SLC8A3: variants seen among roughly 807,000 people sequenced by gnomAD.
The protein encoded by SLC8A3 is sodium/calcium exchanger 3.
In SLC8A3, 37 loss-of-function variants were observed where a neutral mutation model predicts 65.4. The observed-to-expected ratio is 0.57, with a 90% confidence interval of 0.44 to 0.74. SLC8A3 has a LOEUF of 0.74. SLC8A3 is among the 30% of genes least tolerant of loss of function. The pLI is 0.00. For synonymous variants in SLC8A3, 461 were observed against 444.5 expected, an observed-to-expected ratio of 1.04 and a Z score of -0.47; for missense variants, 1,112 against 1,172.1, an observed-to-expected ratio of 0.95 and a Z score of 0.75.
intron 2 of SLC8A3, among the ~76,000 whole-genome samples, chr14:70,084,262 C>G (rs751211316): frequency 6.6e-6 from 1 of 152,206 alleles, no homozygotes; most frequent in African/African-American, 2.4e-5. Flanking sequence ...ATCTCACATG[C>G]TTAGGCATCT....
chr14:70,143,966 T>C (rs569698947), intron 2 of SLC8A3, among the ~76,000 whole-genome samples: 1 of 152,312 alleles, frequency 6.6e-6, no homozygotes, highest in East Asian at 1.9e-4. Context: ...TCATTCCCTC[T>C]CGTGGGTTCC....
chr14:70,070,698 C>T (rs551041907), intron 2 of SLC8A3, among the ~76,000 whole-genome samples: 1 of 152,182 alleles, frequency 6.6e-6, no homozygotes, highest in Admixed American at 6.5e-5. Context: ...AGTGATCACC[C>T]CATTCCTGGT....
chr14:70,136,021 T>A (rs114637816), intron 2 of SLC8A3, among the ~76,000 whole-genome samples: 244 of 152,248 alleles, frequency 1.6e-3, no homozygotes, highest in African/African-American at 5.6e-3. Flanking sequence ...AAACTATGCA[T>A]AACTATTATG....
At chr14:70,064,616 C>T (rs1317064699) in intron 2 of SLC8A3, among the ~76,000 whole-genome samples, 1 of 152,016 alleles carries the variant, frequency 6.6e-6, no homozygotes, top group Non-Finnish European at 1.5e-5. Context: ...TCACAGAGGG[C>T]CTGAAAAGCT....
At chr14:70,090,071 G>A (rs72729873) in intron 2 of SLC8A3, among the ~76,000 whole-genome samples, 16,448 of 151,872 alleles carry the variant, frequency 0.11, 977 homozygotes, top group South Asian at 0.2. Flanking sequence ...GCTAACTGCA[G>A]CCATTAATTA....
intron 2 of SLC8A3, among the ~76,000 whole-genome samples, chr14:70,142,076 G>A (rs181326489): frequency 1.3e-5 from 2 of 152,332 alleles, no homozygotes; most frequent in African/African-American, 4.8e-5. Flanking sequence ...AATGGCCAGT[G>A]CAGCCCCATG....
At chr14:70,097,297 A>C (rs1255242805) in intron 2 of SLC8A3, among the ~76,000 whole-genome samples, 3 of 152,066 alleles carry the variant, frequency 2.0e-5, no homozygotes, top group Non-Finnish European at 4.4e-5. Context: ...AAAAAAAAAA[A>C]AAAAACACCT....
chr14:70,079,142 C>A (rs1890804158), intron 2 of SLC8A3, among the ~76,000 whole-genome samples: 1 of 151,998 alleles, frequency 6.6e-6, no homozygotes, highest in Non-Finnish European at 1.5e-5. Flanking sequence ...GTTCTAATCA[C>A]CCCTATATTT....
chr14:70,186,043 T>C (rs1883182084), intron 1 of SLC8A3, among the ~76,000 whole-genome samples: 1 of 152,192 alleles, frequency 6.6e-6, no homozygotes, highest in Non-Finnish European at 1.5e-5. Context: ...TCTTGAATTG[T>C]AGTTCCTATA....
At chr14:70,184,485 T>C (rs1346248055) in intron 1 of SLC8A3, among the ~76,000 whole-genome samples, 1 of 152,178 alleles carries the variant, frequency 6.6e-6, no homozygotes, top group East Asian at 1.9e-4. Context: ...TATGAATCCC[T>C]TCACTCATAA....
intron 2 of SLC8A3, among the ~76,000 whole-genome samples, chr14:70,098,649 G>C (rs1479585261): frequency 2.0e-5 from 3 of 152,196 alleles, no homozygotes; most frequent in Non-Finnish European, 4.4e-5. Context: ...ACAGTCAGCT[G>C]TCCTGGTCAG....
chr14:70,108,948 C>A (rs7155225), intron 2 of SLC8A3, among the ~76,000 whole-genome samples: 151,007 of 152,264 alleles, frequency 0.99, 74,889 homozygotes, highest in East Asian at 1. Context: ...TGCCTGTTTA[C>A]CTTCTATTCT....
intron 2 of SLC8A3, among the ~76,000 whole-genome samples, chr14:70,153,087 G>A (rs145489178): frequency 2.0e-5 from 3 of 152,140 alleles, no homozygotes; most frequent in Admixed American, 2.0e-4. Context: ...GACAGGAGAG[G>A]AGGAAGGGCT....
intron 2 of SLC8A3, among the ~76,000 whole-genome samples, chr14:70,089,202 C>T (rs1371901701): frequency 2.6e-5 from 4 of 152,176 alleles, no homozygotes; most frequent in Admixed American, 6.5e-5. Context: ...CACATCCTCC[C>T]CATCTCAGAC....
intron 2 of SLC8A3, among the ~76,000 whole-genome samples, chr14:70,097,990 T>C (rs939858126): frequency 6.6e-6 from 1 of 152,188 alleles, no homozygotes; most frequent in Non-Finnish European, 1.5e-5. Flanking sequence ...CTGCTATTGC[T>C]CTGTCTTCTT....
intron 2 of SLC8A3, among the ~76,000 whole-genome samples, chr14:70,089,295 G>A (rs1467766100): frequency 2.1e-4 from 32 of 152,058 alleles, no homozygotes; most frequent in Admixed American, 2.1e-3. Flanking sequence ...CTTTGGGATG[G>A]CACTTAACAT....
chr14:70,142,248 T>C (rs1895627301), intron 2 of SLC8A3, among the ~76,000 whole-genome samples: 1 of 152,230 alleles, frequency 6.6e-6, no homozygotes, highest in Non-Finnish European at 1.5e-5. Context: ...CTGAGCTCTC[T>C]TGGGAGATGC....
chr14:70,145,684 C>T (rs1481172474), intron 2 of SLC8A3, among the ~76,000 whole-genome samples: 1 of 152,142 alleles, frequency 6.6e-6, no homozygotes, highest in African/African-American at 2.4e-5. Flanking sequence ...AAATAAAAGT[C>T]TATGTGGGAG....
At chr14:70,181,690 G>A (rs1882765579) in intron 1 of SLC8A3, among the ~76,000 whole-genome samples, 1 of 152,150 alleles carries the variant, frequency 6.6e-6, no homozygotes, top group African/African-American at 2.4e-5. Flanking sequence ...TAAAAAGTGA[G>A]GCTAGATATG....
Sources: allele counts gnomAD v4.1 joint callset (sites outside exome capture counted in the v4.1 genomes callset), GRCh38; gene constraint gnomAD v4.1.1; transcripts MANE v1.5; gene names NCBI Gene and HGNC (gene_info 2026-07-23, HGNC 2026-07-21).